Variants in LMF1 observed in about 807,000 individuals in gnomAD.
The protein encoded by LMF1 is lipase maturation factor 1, also known as transmembrane protein 112.
In LMF1, 68 loss-of-function variants were observed where a neutral mutation model predicts 60.6. That is an observed-to-expected ratio of 1.12 (90% CI 0.92 to 1.37). The LOEUF (loss-of-function observed/expected upper bound fraction) is 1.37, where lower values mean the gene tolerates loss of function less well. LMF1 is among the 40% of genes most tolerant of loss of function. LMF1 has a pLI of 0.00. For missense variants in LMF1, 948 were observed against 767.2 expected, an observed-to-expected ratio of 1.24 and a Z score of -2.78; for synonymous variants, 418 against 324.7, an observed-to-expected ratio of 1.29 and a Z score of -3.09.
chr16:897,977 T>G lies in LMF1; in HGVS notation c.664-4905A>C, dbSNP rs1475367442. ...AGCTGTGTACATGGCAGGCATCCTCTGCGTGGTGGGCGCCTTCTGCGTGGC... is the reference window on the plus strand; with the variant it reads ...AGCTGTGTACATGGCAGGCATCCTCGGCGTGGTGGGCGCCTTCTGCGTGGC... On this transcript the variant is annotated intron_variant, in intron 4 of 10. Coordinates refer to ENST00000262301, the MANE Select transcript of LMF1 (RefSeq NM_022773.4). This position sits in a 1 kb window ranked among gnomAD's most constrained non-coding sequence, Gnocchi z 4.3. 6.6e-6 allele frequency among the ~76,000 whole-genome samples: 1 copy of G among 152,216 alleles called. No homozygotes were observed. Among genetic ancestry groups the G allele is most frequent in the Non-Finnish European group, 1.5e-5 (1 of 68,028 alleles).
intron 3 of LMF1, among the ~76,000 whole-genome samples, chr16:927,473 C>T (rs768208834): frequency 6.6e-6 from 1 of 152,244 alleles, no homozygotes; most frequent in Non-Finnish European, 1.5e-5. Context: ...GAGGAGCTGG[C>T]TCGGCCTACC....
chr16:964,796 G>C (rs773348508), intron 1 of LMF1, among the ~76,000 whole-genome samples: 10 of 152,360 alleles, frequency 6.6e-5, no homozygotes, highest in Non-Finnish European at 1.3e-4. Context: ...CATCTGACGA[G>C]GATGCCAAGC....
chr16:869,980 T>G lies in LMF1; in HGVS notation c.1319A>C (p.Glu440Ala). The G allele has an allele frequency of 6.2e-7, 1 of 1,613,316 alleles. No individual in the cohort carries two copies. The highest frequency in any genetic ancestry group is 8.5e-7 in the Non-Finnish European group (1 of 1,179,856). Reference protein sequence around the residue: ...SAPDAMWEDYEFKCKPGDPSR... With the variant: ...SAPDAMWEDYAFKCKPGDPSR... ...GGGGTCACCTGGCTTGCACTTGAAC[T>G]CGTAGTCCTCCCACATGGCATCGGG... Residue 440 changes from glutamate (E) to alanine (A), a missense_variant, in exon 9 of 11, where the codon GAG becomes GCG. Physicochemically the swap from Glu to Ala is moderately radical, Grantham distance 107. Transcript: ENST00000262301.
intron 4 of LMF1, among the ~76,000 whole-genome samples, chr16:908,670 G>T (rs931431112): frequency 2.6e-5 from 4 of 152,234 alleles, no homozygotes; most frequent in Non-Finnish European, 5.9e-5. Context: ...CACCAGCCCA[G>T]AGGTCACCAG....
At chr16:963,057 G>A (rs867000152) in intron 1 of LMF1, among the ~76,000 whole-genome samples, 7 of 152,094 alleles carry the variant, frequency 4.6e-5, no homozygotes, top group South Asian at 4.2e-4. Context: ...AGGCGGGCAC[G>A]GGATGGACAC....
chr16:856,136 G>C (rs1404065552), intron 10 of LMF1: 8 of 366,630 alleles, frequency 2.2e-5, no homozygotes, highest in Non-Finnish European at 1.1e-5. Flanking sequence ...CAAGACTGAG[G>C]GTGATGCTGG....
At chr16:939,513 C>T (rs185571739) in intron 2 of LMF1, among the ~76,000 whole-genome samples, 37 of 152,376 alleles carry the variant, frequency 2.4e-4, no homozygotes, top group African/African-American at 7.9e-4. Context: ...CACGTGCCGC[C>T]GAGCAGCGGA....
At chr16:958,614 C>T (rs1260234831) in intron 1 of LMF1, among the ~76,000 whole-genome samples, 2 of 152,110 alleles carry the variant, frequency 1.3e-5, no homozygotes, top group African/African-American at 2.4e-5. Flanking sequence ...AGGCCGGGCG[C>T]GGTGGCTCAT....
chr16:938,362 G>A (rs1201000324), intron 2 of LMF1, among the ~76,000 whole-genome samples: 1 of 151,468 alleles, frequency 6.6e-6, no homozygotes, highest in Admixed American at 6.6e-5. Context: ...CTGGACGGCG[G>A]CTCACAGGGA....
Position 922,391 on chromosome 16 carries a change from C to A in LMF1, c.515-11312G>T, listed in dbSNP as rs185548617. 1.2e-4 allele frequency among the ~76,000 whole-genome samples: 18 copies of A among 152,338 alleles called. No homozygotes were observed. In the East Asian group the frequency reaches 3.5e-3, roughly 29 times the overall value. On this transcript the variant is annotated intron_variant, in intron 3 of 10. Transcript: ENST00000262301. ...CAGGTAGGCAGAATGGCAGGCAGAG[C>A]GGCCACTGGGGAACTGATCCAGCAG...
rs1439558096 is a variant in LMF1, at chr16:853,964, G to A, written c.*568C>T. The A allele has an allele frequency of 6.6e-6, 3 of 454,118 alleles. No individual in the cohort carries two copies. Among genetic ancestry groups the A allele is most frequent in the Admixed American group, 4.7e-5 (2 of 42,570 alleles). The allele number at this position is 454,118 out of a possible 1,614,324, so 28.1% of individuals were successfully genotyped here. A position where few individuals can be genotyped will look rare whatever the true frequency, so the allele number is the denominator to read the frequency against. On this transcript the variant is annotated 3_prime_UTR_variant, in exon 11 of 11. Transcript: ENST00000262301. Reference sequence around the variant, plus strand: ...GGGATGCGTGTAGGCTGTGGCGGGGGTGGAGATGAGGGATAGGACAGAAAA... The same window carrying A: ...GGGATGCGTGTAGGCTGTGGCGGGGATGGAGATGAGGGATAGGACAGAAAA...
chr16:979,360 C>G (rs2073271663), intron 1 of LMF1: 1 of 353,928 alleles, frequency 2.8e-6, no homozygotes, highest in Admixed American at 3.7e-5. Context: ...ACGTCCTCAG[C>G]TGACTGGCCT....
intron 1 of LMF1, chr16:976,045 G>C (rs1173156048): frequency 2.2e-6 from 1 of 454,054 alleles, no homozygotes; most frequent in Non-Finnish European, 4.4e-6. Flanking sequence ...GGTTGAGCTT[G>C]GAAGGACGGA....
At chr16:892,243 C>T (rs763305638) in intron 5 of LMF1, among the ~76,000 whole-genome samples, 1 of 152,186 alleles carries the variant, frequency 6.6e-6, no homozygotes, top group Non-Finnish European at 1.5e-5. Flanking sequence ...TGATGGCTTC[C>T]GCGTGCAGGT....
At chr16:942,564 T>C (rs536562315) in intron 2 of LMF1, among the ~76,000 whole-genome samples, 4 of 151,426 alleles carry the variant, frequency 2.6e-5, no homozygotes, top group Non-Finnish European at 5.9e-5. Flanking sequence ...TCTGTGGGGC[T>C]CCAATCACAC....
intron 3 of LMF1, among the ~76,000 whole-genome samples, chr16:915,962 G>A (rs1004498088): frequency 3.3e-5 from 5 of 152,198 alleles, no homozygotes; most frequent in African/African-American, 1.2e-4. Flanking sequence ...ACCAGTGAGG[G>A]GCAGAGGCTC....
rs1567312834 is a variant in LMF1, at chr16:954,062, G to GCCTCCTACACGTCCACACAGACACCC, written c.503+294_503+295insGGGTGTCTGTGTGGACGTGTAGGAGG. ...CCTCCTACACGTCCACACAGACACA[G>GCCTCCTACACGTCCACACAGACACCC]ACCCACTGCTTCTGCCTCCCTTTCC... On this transcript the variant is annotated intron_variant, in intron 2 of 10. Coordinates refer to ENST00000262301, the MANE Select transcript of LMF1 (RefSeq NM_022773.4). Among the ~76,000 whole-genome samples, 133 of 110,826 alleles carry GCCTCCTACACGTCCACACAGACACCC rather than the reference G, an allele frequency of 1.2e-3. 3 individuals carry two copies. Among genetic ancestry groups the GCCTCCTACACGTCCACACAGACACCC allele is most frequent in the Non-Finnish European group, 1.3e-3 (68 of 51,304 alleles). 72.7% of individuals were successfully genotyped at this position (110,826 alleles called of 152,430 possible). A position where few individuals can be genotyped will look rare whatever the true frequency, so the allele number is the denominator to read the frequency against.
At chr16:910,177 G>T (rs1417885329) in intron 4 of LMF1, among the ~76,000 whole-genome samples, 1 of 152,246 alleles carries the variant, frequency 6.6e-6, no homozygotes, top group East Asian at 1.9e-4. Flanking sequence ...TGCTTTTAAA[G>T]TGCACATCGT....
chr16:922,957 G>A (rs1178500858), intron 3 of LMF1, among the ~76,000 whole-genome samples: 5 of 112,416 alleles, frequency 4.4e-5, no homozygotes, highest in African/African-American at 1.4e-4. Flanking sequence ...GTGTTGTTGC[G>A]AAGGCCCTGT....
Sources: allele counts gnomAD v4.1 joint callset (sites outside exome capture counted in the v4.1 genomes callset), GRCh38; gene constraint gnomAD v4.1.1; non-coding constraint Gnocchi (gnomAD v3.1); transcripts MANE v1.5; gene names NCBI Gene and HGNC (gene_info 2026-07-23, HGNC 2026-07-21).